The following RNF4 variants were observed in gnomAD, a reference collection of about 807,000 sequenced individuals.
RNF4 encodes E3 ubiquitin-protein ligase RNF4.
A neutral mutation model predicts 24.3 loss-of-function variants in RNF4; 7 were observed. The observed-to-expected ratio is 0.29, with a 90% CI of 0.16 to 0.54. RNF4 has a LOEUF of 0.54. Ranked by LOEUF, RNF4 falls within the 20% of genes least tolerant of loss-of-function variation. The pLI is 0.95. For missense variants in RNF4, 209 were observed against 248.5 expected, an observed-to-expected ratio of 0.84 and a Z score of 1.07; for synonymous variants, 83 against 84.3, an observed-to-expected ratio of 0.98 and a Z score of 0.09.
intron 3 of RNF4, 92 bp downstream of exon 3, chr4:2,497,213 C>T (rs891041330): frequency 2.4e-6 from 2 of 849,090 alleles, no homozygotes; most frequent in Non-Finnish European, 3.7e-6. Flanking sequence ...CTTTCAGTGT[C>T]TTTAGAAGGC....
chr4:2,469,822 G>A (rs1734840321), intron 1 of RNF4: 1 of 152,572 alleles, frequency 6.6e-6, no homozygotes, highest in Non-Finnish European at 1.5e-5. Context: ...TCGATTTCCG[G>A]GCGCGCTTCC....
At chr4:2,469,486 C>T (rs1331452849) in intron 1 of RNF4, 2 of 152,228 alleles carry the variant, frequency 1.3e-5, no homozygotes, top group Non-Finnish European at 2.9e-5. Context: ...GGTCTCGGCT[C>T]ACCCTGGGGG....
intron 4 of RNF4, among the ~76,000 whole-genome samples, chr4:2,504,035 A>G (rs1322249964): frequency 4.6e-5 from 7 of 152,174 alleles, no homozygotes; most frequent in African/African-American, 1.4e-4. Flanking sequence ...TGGGCAACAT[A>G]GTGAGACCCT....
intron 1 of RNF4, chr4:2,469,699 G>GC (rs1299025459): frequency 6.6e-6 from 1 of 152,344 alleles, no homozygotes; most frequent in Non-Finnish European, 1.5e-5. Context: ...CTGCGAGTTT[G>GC]CCGGGGTGCG....
chr4:2,481,863 A>C (rs1735255106), intron 1 of RNF4, among the ~76,000 whole-genome samples: 2 of 152,132 alleles, frequency 1.3e-5, no homozygotes, highest in African/African-American at 4.8e-5. Context: ...GTACACCACT[A>C]TGCCCGGCTA....
chr4:2,503,402 A>G (rs1735975803), intron 4 of RNF4, among the ~76,000 whole-genome samples: 1 of 152,108 alleles, frequency 6.6e-6, no homozygotes. Flanking sequence ...ATGGGTGGCC[A>G]GAGGGAGAGC....
At chr4:2,496,936 C>G (rs531765695) in intron 2 of RNF4, 71 bp from the exon 3 acceptor site, 13 of 1,099,652 alleles carry the variant, frequency 1.2e-5, no homozygotes, top group Non-Finnish European at 1.7e-5. Context: ...ATTTCTATTG[C>G]CCATTTAGTT....
At position 2,497,130 on chromosome 4, in the gene RNF4, G is replaced by C; in HGVS notation, c.124+9G>C. ...AGAACTCGTGGAAACTGGTAAGATT[G>C]CCAGGGACACTACAACTGTGGGGTG... is the stretch of plus-strand genomic sequence containing the variant. On this transcript the variant is annotated intron_variant, in intron 3 of 7. Coordinates refer to ENST00000314289, the MANE Select transcript of RNF4 (RefSeq NM_002938.5). 2 of 1,586,294 alleles carry C rather than the reference G, an allele frequency of 1.3e-6. No homozygotes were observed. Among genetic ancestry groups the C allele is most frequent in the South Asian group, 2.3e-5 (2 of 87,678 alleles).
chr4:2,508,911 C>CTTT (rs66571775), intron 4 of RNF4, among the ~76,000 whole-genome samples: 18,787 of 62,500 alleles, frequency 0.3, 3,885 homozygotes, highest in Admixed American at 0.4. Context: ...TGCCCCAGGC[C>CTTT]TTTTTTTTTT....
At chr4:2,507,896 C>T (rs1487609249) in intron 4 of RNF4, among the ~76,000 whole-genome samples, 1 of 151,808 alleles carries the variant, frequency 6.6e-6, no homozygotes, top group East Asian at 1.9e-4. Context: ...GCTCTGTTGC[C>T]CAGGCTGGAA....
chr4:2,488,006 C>T (rs1008997905), intron 1 of RNF4, among the ~76,000 whole-genome samples: 4 of 152,242 alleles, frequency 2.6e-5, no homozygotes, highest in African/African-American at 7.2e-5. Context: ...TCCTGTACTT[C>T]TTGCACACTT....
In RNF4 at chr4:2,515,853, C is replaced by A. The variant is rs1736401057; in HGVS notation, c.*2034C>A. The A allele has an allele frequency of 6.6e-6, 1 of 152,574 alleles. No homozygotes were observed. Among genetic ancestry groups the A allele is most frequent in the Non-Finnish European group, 1.5e-5 (1 of 68,024 alleles). The allele number at this position is 152,574 out of a possible 1,614,324, so 9.5% of individuals were successfully genotyped here. ...ATGGAAATAAAACCATTAATTTGAA[C>A]CAAATATCTTTTACACATTCATTTG... On this transcript the variant is annotated 3_prime_UTR_variant, in exon 8 of 8. Coordinates refer to ENST00000314289, the MANE Select transcript of RNF4 (RefSeq NM_002938.5).
At chr4:2,500,910 T>G (rs1203863) in intron 4 of RNF4, among the ~76,000 whole-genome samples, 172 bp downstream of exon 4, 1 of 152,086 alleles carries the variant, frequency 6.6e-6, no homozygotes, top group Non-Finnish European at 1.5e-5. Flanking sequence ...GTAACAATAA[T>G]AATAACAAAG....
chr4:2,509,664 G>A (rs896668699), intron 4 of RNF4, among the ~76,000 whole-genome samples: 5 of 152,156 alleles, frequency 3.3e-5, no homozygotes, highest in African/African-American at 1.2e-4. Context: ...ATCACCTGCT[G>A]CTTGCCAGCA....
At chr4:2,476,853 C>T (rs980383635) in intron 1 of RNF4, among the ~76,000 whole-genome samples, 1 of 151,106 alleles carries the variant, frequency 6.6e-6, no homozygotes, top group Admixed American at 6.6e-5. Flanking sequence ...TCTTTCTCAA[C>T]TCACTTCAAC....
intron 1 of RNF4, among the ~76,000 whole-genome samples, chr4:2,481,705 GTGTGTTTT>G (rs1331174428): frequency 6.6e-6 from 1 of 151,986 alleles, no homozygotes; most frequent in Non-Finnish European, 1.5e-5. Context: ...TGACTTGCAT[GTGTGTTTT>G]TGTGTTTTTT....
At chr4:2,504,524 T>TTTCA (rs1560411814) in intron 4 of RNF4, among the ~76,000 whole-genome samples, 1 of 140,814 alleles carries the variant, frequency 7.1e-6, no homozygotes. Flanking sequence ...GTTTTATAGC[T>TTTCA]TTTATTTATT....
intron 4 of RNF4, among the ~76,000 whole-genome samples, chr4:2,504,752 CAGAGTCTCACT>C (rs769425166): frequency 7.2e-4 from 77 of 107,036 alleles, no homozygotes; most frequent in Middle Eastern, 8.1e-3. Context: ...TTTTTTGAGA[CAGAGTCTCACT>C]CTGTCACCCA....
chr4:2,508,961 C>T (rs977058311), intron 4 of RNF4, among the ~76,000 whole-genome samples: 3 of 115,954 alleles, frequency 2.6e-5, no homozygotes, highest in East Asian at 2.8e-4. Flanking sequence ...TCACTATTGT[C>T]GCCTAGGCTG....
Sources: allele counts gnomAD v4.1 joint callset (sites outside exome capture counted in the v4.1 genomes callset), GRCh38; gene constraint gnomAD v4.1.1; transcripts MANE v1.5; gene names NCBI Gene and HGNC (gene_info 2026-07-23, HGNC 2026-07-21).